COL24A1: variants seen among roughly 807,000 people sequenced by gnomAD.
The protein encoded by COL24A1 is collagen alpha-1(XXIV) chain.
Under a neutral mutation model 253.9 loss-of-function variants are expected in COL24A1, and 224 were observed. That is an observed-to-expected ratio of 0.88 (90% confidence interval 0.79 to 0.99). COL24A1 has a LOEUF of 0.99. COL24A1 is among the 50% of genes least tolerant of loss of function. COL24A1 has a pLI of 0.00. For missense variants in COL24A1, 2,131 were observed against 2,068.5 expected (o/e 1.03, Z -0.59); for synonymous variants, 685 against 673.7 (o/e 1.02, Z -0.26).
chr1:85,954,855 A>C, intron 24 of COL24A1, among the ~76,000 whole-genome samples: 1 of 152,222 alleles, frequency 6.6e-6, no homozygotes, highest in Middle Eastern at 3.2e-3. Context: ...CTAGCTAGGC[A>C]TAGTTGTAGA....
intron 12 of COL24A1, among the ~76,000 whole-genome samples, chr1:86,044,058 T>C (rs1699716157): frequency 1.3e-5 from 2 of 152,308 alleles, no homozygotes; most frequent in East Asian, 1.9e-4. Context: ...CAGGAGAACA[T>C]GACCATATTC....
At chr1:85,874,790 A>G (rs571466934) in intron 34 of COL24A1, 88 bp from the exon 35 acceptor site, 15 of 1,437,192 alleles carry the variant, frequency 1.0e-5, no homozygotes, top group Non-Finnish European at 1.4e-5. Context: ...ACAGTTCCCC[A>G]ACGCCTGGGC....
At chr1:85,965,940 T>C (rs571691) in intron 22 of COL24A1, among the ~76,000 whole-genome samples, 17,432 of 152,172 alleles carry the variant, frequency 0.11, 1,035 homozygotes, top group East Asian at 0.18. Flanking sequence ...GTTAGGACTT[T>C]GACTTTTAAC....
rs1647981758 is a variant in COL24A1 at position 86,124,828 on chromosome 1, A to AG, written c.1491+16_1491+17insC. The AG allele has an allele frequency of 6.8e-7, 1 of 1,479,238 alleles. No homozygotes were observed. The highest frequency in any genetic ancestry group is 2.3e-5 in the East Asian group (1 of 43,642). 91.6% of individuals were successfully genotyped at this position (1,479,238 alleles called of 1,614,324 possible). ...TAAGTTAGCATATTAGGAGATATTA[A>AG]AAAAAAAAAAACTTACGGGAGGTCC... On this transcript the variant is annotated intron_variant, in intron 3 of 59. Transcript: ENST00000370571.
intron 1 of COL24A1, among the ~76,000 whole-genome samples, chr1:86,148,350 A>G (rs1354999262): frequency 6.6e-6 from 1 of 151,604 alleles, no homozygotes; most frequent in East Asian, 2.0e-4. Context: ...ACACCCGGCT[A>G]ATTTTTTTTT....
chr1:85,866,514 A>G (rs313767), intron 37 of COL24A1, among the ~76,000 whole-genome samples: 62,507 of 151,558 alleles, frequency 0.41, 13,349 homozygotes, highest in South Asian at 0.59. Context: ...AGGCTTACAC[A>G]TGTAATCCCA....
rs117338057 is a variant in COL24A1, at chr1:85,737,366, C to T, written c.4782+30G>A. On this transcript the variant is annotated intron_variant, in intron 58 of 59. Coordinates refer to ENST00000370571, the MANE Select transcript of COL24A1 (RefSeq NM_152890.7). ...TTTTCACTGATACTGTGCAATATAACGACATGTGTTCTAAAATTCAGTAAC... is the reference window on the plus strand; with the variant it reads ...TTTTCACTGATACTGTGCAATATAATGACATGTGTTCTAAAATTCAGTAAC... 7.7e-5 allele frequency: 109 copies of T among 1,408,396 alleles called. 2 individuals carry two copies. In the East Asian group the frequency reaches 1.8e-3, roughly 24 times the overall value. 87.2% of individuals were successfully genotyped at this position (1,408,396 alleles called of 1,614,324 possible).
intron 8 of COL24A1, among the ~76,000 whole-genome samples, chr1:86,060,810 T>C (rs566709834): frequency 1.3e-5 from 2 of 152,020 alleles, no homozygotes; most frequent in Non-Finnish European, 2.9e-5. Context: ...GAAATTCTTG[T>C]CTATATGTAG....
chr1:85,757,060 G>A (rs1666343171), intron 55 of COL24A1, among the ~76,000 whole-genome samples: 1 of 152,118 alleles, frequency 6.6e-6, no homozygotes, highest in Non-Finnish European at 1.5e-5. Context: ...GTAAAGGGAG[G>A]AATTGAGAGT....
chr1:85,980,056 C>T (rs1693093735), intron 20 of COL24A1, among the ~76,000 whole-genome samples: 1 of 152,118 alleles, frequency 6.6e-6, no homozygotes, highest in Non-Finnish European at 1.5e-5. Context: ...AAATGTGATA[C>T]ATCACATAAA....
In COL24A1 at chr1:86,089,187, A is replaced by G. The variant is rs745549731; in HGVS notation, c.1694T>C (p.Met565Thr). 6.3e-7 allele frequency: 1 copy of G among 1,582,506 alleles called. No homozygotes were observed. The highest frequency in any genetic ancestry group is 2.0e-5 in the Admixed American group (1 of 49,120). Residue 565 changes from methionine to threonine, a missense_variant, in exon 7 of 60, where the codon ATG becomes ACG. Transcript: ENST00000370571. Reference protein sequence around the residue: ...GLSGLMGPPGMQGDKGLKGHP... With the variant: ...GLSGLMGPPGTQGDKGLKGHP... The stretch of plus-strand genomic sequence containing the variant: ...ATTCCAACTTACCTTATCACCTTGC[A>G]TACCAGGGGGGCCCATTAATCCAGA...
intron 43 of COL24A1, among the ~76,000 whole-genome samples, chr1:85,830,122 T>C (rs1296788490): frequency 6.6e-6 from 1 of 152,098 alleles, no homozygotes; most frequent in African/African-American, 2.4e-5. Context: ...CCTTTCTGTT[T>C]GTTAGTTTTC....
At chr1:86,132,632 C>G (rs918617248) in intron 2 of COL24A1, among the ~76,000 whole-genome samples, 2 of 152,164 alleles carry the variant, frequency 1.3e-5, no homozygotes, top group African/African-American at 4.8e-5. Flanking sequence ...AATCCTTTCC[C>G]CATTTCTTGT....
At chr1:86,051,144 A>G (rs1700267458) in intron 10 of COL24A1, among the ~76,000 whole-genome samples, 1 of 152,154 alleles carries the variant, frequency 6.6e-6, no homozygotes, top group Admixed American at 6.6e-5. Flanking sequence ...AGTGGTCTAA[A>G]TTTGAAGGTT....
At chr1:85,836,060 T>C (rs1018010763) in intron 43 of COL24A1, among the ~76,000 whole-genome samples, 1 of 152,192 alleles carries the variant, frequency 6.6e-6, no homozygotes, top group African/African-American at 2.4e-5. Context: ...CAGTCCTTGC[T>C]AAGTTTTCCC....
intron 53 of COL24A1, among the ~76,000 whole-genome samples, chr1:85,770,172 T>C (rs1667798523): frequency 6.6e-6 from 1 of 152,214 alleles, no homozygotes; most frequent in Non-Finnish European, 1.5e-5. Flanking sequence ...GGATCACATT[T>C]CTACAAATTG....
intron 41 of COL24A1, among the ~76,000 whole-genome samples, chr1:85,841,759 C>T (rs1676637320): frequency 6.6e-6 from 1 of 151,978 alleles, no homozygotes; most frequent in Non-Finnish European, 1.5e-5. Context: ...TATAAATGTA[C>T]TATAATTAAT....
At chr1:85,870,373 C>T (rs1040703874) in intron 35 of COL24A1, among the ~76,000 whole-genome samples, 33 of 152,200 alleles carry the variant, frequency 2.2e-4, no homozygotes, top group Non-Finnish European at 3.5e-4. Flanking sequence ...GAACTTTCCA[C>T]CCCAAATCAA....
intron 37 of COL24A1, among the ~76,000 whole-genome samples, chr1:85,863,970 A>C (rs1195046124): frequency 1.3e-5 from 2 of 152,336 alleles, no homozygotes; most frequent in South Asian, 2.1e-4. Flanking sequence ...AACCTAGTTC[A>C]ACAATTGTGG....
Sources: gnomAD v4.1 joint callset for allele counts (sites outside exome capture counted in the v4.1 genomes callset) on GRCh38, gnomAD v4.1.1 for gene constraint, MANE v1.5 for transcripts, NCBI Gene and HGNC (gene_info 2026-07-23, HGNC 2026-07-21) for gene names.